Variants in RNF19A observed in about 807,000 individuals in gnomAD.
The protein encoded by RNF19A is E3 ubiquitin-protein ligase RNF19A.
RNF19A carries 32 observed loss-of-function variants against 75.7 expected under a neutral mutation model. That is an observed-to-expected ratio of 0.42 (90% confidence interval 0.32 to 0.57). The LOEUF (loss-of-function observed/expected upper bound fraction) is 0.57, where lower values mean the gene tolerates loss of function less well. Ranked by LOEUF, RNF19A falls within the 20% of genes least tolerant of loss-of-function variation. The pLI, the probability that RNF19A is intolerant of heterozygous loss-of-function variation, is 0.10. For synonymous variants in RNF19A, 335 were observed against 345.2 expected (o/e 0.97, Z 0.33); for missense variants, 782 against 1,036.3 (o/e 0.75, Z 3.37).
At chr8:100,282,730 A>C (rs1028592145) in intron 2 of RNF19A, among the ~76,000 whole-genome samples, 4 of 152,246 alleles carry the variant, frequency 2.6e-5, no homozygotes, top group African/African-American at 9.6e-5. Context: ...GCATGTCAAA[A>C]GATAGTCAAG....
chr8:100,311,182 A>C (rs1473765324), upstream of RNF19A, among the ~76,000 whole-genome samples: 1 of 152,226 alleles, frequency 6.6e-6, no homozygotes, highest in African/African-American at 2.4e-5. Flanking sequence ...TAACCCAGTA[A>C]ATGTTTACCA....
rs113021185 is a variant in RNF19A, at chr8:100,281,032, T to G, written c.675-5871A>C. Among the ~76,000 whole-genome samples the G allele has an allele frequency of 2.0e-4, 30 of 152,312 alleles. 1 individual carries two copies. The highest frequency in any genetic ancestry group is 7.0e-4 in the African/African-American group (29 of 41,580). ...AGAAGGTCATGGAAATAACTGAACA[T>G]CTCTGACTCAAACAGCCCCCAGACC... On this transcript the variant is annotated intron_variant, in intron 2 of 9. Coordinates refer to ENST00000341084, the MANE Select transcript of RNF19A (RefSeq NM_183419.4).
At chr8:100,282,021 T>C (rs924531622) in intron 2 of RNF19A, among the ~76,000 whole-genome samples, 2 of 152,198 alleles carry the variant, frequency 1.3e-5, no homozygotes, top group African/African-American at 4.8e-5. Flanking sequence ...CACTATATGC[T>C]GCAGGAGAGG....
intron 3 of RNF19A, 131 bp from the exon 4 acceptor site, chr8:100,270,144 G>GT: frequency 1.6e-6 from 1 of 625,698 alleles, no homozygotes; most frequent in East Asian, 3.3e-5. Context: ...TCAGCCTGCT[G>GT]TTTTTAGTAT....
At chr8:100,273,953 T>G (rs1260151869) in intron 3 of RNF19A, among the ~76,000 whole-genome samples, 1 of 152,088 alleles carries the variant, frequency 6.6e-6, no homozygotes, top group Non-Finnish European at 1.5e-5. Context: ...CAGCTAATTT[T>G]TGTATTTTTT....
At chr8:100,281,912 T>C (rs958977919) in intron 2 of RNF19A, among the ~76,000 whole-genome samples, 1 of 152,200 alleles carries the variant, frequency 6.6e-6, no homozygotes, top group African/African-American at 2.4e-5. Flanking sequence ...ACTTACTTAA[T>C]ATACTTGAGA....
intron 3 of RNF19A, among the ~76,000 whole-genome samples, chr8:100,274,618 T>C (rs1032341335): frequency 7.2e-5 from 11 of 151,970 alleles, no homozygotes; most frequent in South Asian, 4.2e-4. Context: ...CTCCTGGCCT[T>C]AAGTGGTCGG....
chr8:100,310,113 G>A (rs1316375877), upstream of RNF19A: 2 of 984,040 alleles, frequency 2.0e-6, no homozygotes, highest in South Asian at 4.7e-5. Flanking sequence ...TCCCCCTCCC[G>A]CAGCCCCCGC....
chr8:100,309,350 G>C, intron 1 of RNF19A: 1 of 985,818 alleles, frequency 1.0e-6, no homozygotes, highest in Non-Finnish European at 1.2e-6. Context: ...ACGGCTTGCG[G>C]GGCGATGTCC....
chr8:100,291,880 G>C (rs1821310219), intron 1 of RNF19A, among the ~76,000 whole-genome samples: 1 of 150,600 alleles, frequency 6.6e-6, no homozygotes, highest in South Asian at 2.1e-4. Context: ...CTGACATCCA[G>C]ATGTATGGTA....
At position 100,322,370 on chromosome 8, in the gene RNF19A, C is replaced by T. The variant is rs1822476232; in HGVS notation, c.-242-8998G>A. Among the ~76,000 whole-genome samples the T allele has an allele frequency of 6.6e-6, 1 of 152,250 alleles. No homozygotes were observed. Among genetic ancestry groups the T allele is most frequent in the Non-Finnish European group, 1.5e-5 (1 of 68,046 alleles). On this transcript the variant is annotated intron_variant, in intron 1 of 3. Transcript: ENST00000519527. This position sits in a 1 kb window ranked among gnomAD's most constrained non-coding sequence, Gnocchi z 5.1. Reference sequence around the variant, plus strand: ...TCTTTCCTTATACCTCATGATCCAACCTCTGCTAGCTTCAAACTTTTCTTC... The same window carrying T: ...TCTTTCCTTATACCTCATGATCCAATCTCTGCTAGCTTCAAACTTTTCTTC...
Position 100,269,028 on chromosome 8 carries a change from T to A in RNF19A, c.1029-81A>T. The A allele has an allele frequency of 8.7e-7, 1 of 1,155,188 alleles. No homozygotes were observed. The highest frequency in any genetic ancestry group is 1.2e-6 in the Non-Finnish European group (1 of 858,174). The allele number at this position is 1,155,188 out of a possible 1,614,324, so 71.6% of individuals were successfully genotyped here. A position where few individuals can be genotyped will look rare whatever the true frequency, so the allele number is the denominator to read the frequency against. On this transcript the variant is annotated intron_variant, in intron 4 of 9. Transcript: ENST00000341084. This position sits in a 1 kb window ranked among gnomAD's most constrained non-coding sequence, Gnocchi z 5.7. ...TAGTGCACTATATTAAAACAATGAC[T>A]ATTTTTAAAAACTTCTCATAGTTAG...
intron 1 of RNF19A, among the ~76,000 whole-genome samples, chr8:100,295,946 T>C (rs1821535823): frequency 6.6e-6 from 1 of 152,252 alleles, no homozygotes. Context: ...TTTTAAGTTA[T>C]GCCATTCATG....
At position 100,323,294 on chromosome 8, in the gene RNF19A, A is replaced by AT. The variant is rs1254886860; in HGVS notation, c.-242-9923dup. Among the ~76,000 whole-genome samples, 1 of 152,216 alleles carries AT rather than the reference A, an allele frequency of 6.6e-6. No individual in the cohort carries two copies. Among genetic ancestry groups the AT allele is most frequent in the Admixed American group, 6.5e-5 (1 of 15,268 alleles). ...AAAGAAAACTTTATTCTTCTCTGTA[A>AT]TATCATTTTTGGAAGTTTTATCTGA... On this transcript the variant is annotated intron_variant, in intron 1 of 3. Transcript: ENST00000519527. The surrounding 1 kb of genome is among the most constrained non-coding windows in gnomAD (Gnocchi z 4.6).
At chr8:100,286,814 T>A (rs553097947) in intron 2 of RNF19A, among the ~76,000 whole-genome samples, 5 of 152,354 alleles carry the variant, frequency 3.3e-5, no homozygotes, top group African/African-American at 1.2e-4. Context: ...GAATAGTATA[T>A]GACTACTGTT....
At position 100,301,908 on chromosome 8, in the gene RNF19A, A is replaced by G. The variant is rs1415744373; in HGVS notation, c.-94+7959T>C. Among the ~76,000 whole-genome samples, 3 of 152,194 alleles carry G rather than the reference A, an allele frequency of 2.0e-5. No homozygotes were observed. In the East Asian group the frequency reaches 5.8e-4, roughly 29 times the overall value. ...TTTAGCAGAGACCTGAAGGAGGTAA[A>G]GGAGGTGTTAGCTATGTGGAAATCT... On this transcript the variant is annotated intron_variant, in intron 1 of 9. Coordinates refer to ENST00000341084, the MANE Select transcript of RNF19A (RefSeq NM_183419.4).
In RNF19A at chr8:100,324,614, T is replaced by C. The variant is rs552848894; in HGVS notation, c.-242-11242A>G. On this transcript the variant is annotated intron_variant, in intron 1 of 3. Coordinates refer to the RNF19A transcript ENST00000519527. The surrounding 1 kb of genome is among the most constrained non-coding windows in gnomAD (Gnocchi z 4.2). ...ATCACTGTTTTCTTTTAATTAGGCT[T>C]CTAACATACATTTGCATTGATTTTT... Among the ~76,000 whole-genome samples the C allele has an allele frequency of 1.3e-5, 2 of 152,326 alleles. No individual in the cohort carries two copies. The highest frequency in any genetic ancestry group is 2.9e-5 in the Non-Finnish European group (2 of 68,028).
Position 100,322,349 on chromosome 8 carries a change from T to C in RNF19A, c.-242-8977A>G, listed in dbSNP as rs534391595. ...CTTTCATGGCACAAAACAAACTCTT[T>C]CCTTATACCTCATGATCCAACCTCT... On this transcript the variant is annotated intron_variant, in intron 1 of 3. Transcript: ENST00000519527. This position sits in a 1 kb window ranked among gnomAD's most constrained non-coding sequence, Gnocchi z 5.1. Among the ~76,000 whole-genome samples the C allele has an allele frequency of 6.6e-6, 1 of 152,266 alleles. No homozygotes were observed. The highest frequency in any genetic ancestry group is 1.5e-5 in the Non-Finnish European group (1 of 68,052).
In RNF19A at chr8:100,259,333, TCAGA is replaced by T; in HGVS notation, c.1827-91_1827-88del. ...GGGGAAGGGTTTCTATGTGGAAAAT[TCAGA>T]CTATATATAAGCTATGAGAACACCT... On this transcript the variant is annotated intron_variant, in intron 9 of 9. Coordinates refer to ENST00000341084, the MANE Select transcript of RNF19A (RefSeq NM_183419.4). This position sits in a 1 kb window ranked among gnomAD's most constrained non-coding sequence, Gnocchi z 4.5. 1 of 1,039,690 alleles carries T rather than the reference TCAGA, an allele frequency of 9.6e-7. No individual in the cohort carries two copies. Among genetic ancestry groups the T allele is most frequent in the Non-Finnish European group, 1.4e-6 (1 of 709,008 alleles). 64.4% of individuals were successfully genotyped at this position (1,039,690 alleles called of 1,614,324 possible). A position where few individuals can be genotyped will look rare whatever the true frequency, so the allele number is the denominator to read the frequency against.
Sources: gnomAD v4.1 joint callset for allele counts (sites outside exome capture counted in the v4.1 genomes callset) on GRCh38, gnomAD v4.1.1 for gene constraint, Gnocchi (gnomAD v3.1) non-coding constraint, MANE v1.5 for transcripts, NCBI Gene and HGNC (gene_info 2026-07-23, HGNC 2026-07-21) for gene names.